ZC3H12B: variants seen among roughly 807,000 people sequenced by gnomAD.
ZC3H12B encodes zinc finger CCCH-type containing 12B.
ZC3H12B carries 7 observed loss-of-function variants against 43.9 expected under a neutral mutation model. That is an observed-to-expected ratio of 0.16 (90% confidence interval 0.09 to 0.30). The LOEUF (loss-of-function observed/expected upper bound fraction) is 0.30. ZC3H12B is among the 10% of genes least tolerant of loss of function. The probability of loss-of-function intolerance (pLI) is 1.00; values close to 1 mark genes in which losing one functional copy is unlikely to be tolerated. For synonymous variants in ZC3H12B, 222 were observed against 241.7 expected, an observed-to-expected ratio of 0.92 and a Z score of 0.76; for missense variants, 475 against 670.2, an observed-to-expected ratio of 0.71 and a Z score of 3.22.
the ZC3H12B span, among the ~76,000 whole-genome samples, chrX:65,260,992 G>A: frequency 8.9e-6 from 1 of 111,814 alleles, no homozygotes; most frequent in Non-Finnish European, 1.9e-5. Context: ...TATATTATAA[G>A]CATTCAGTAA....
the ZC3H12B span, among the ~76,000 whole-genome samples, chrX:65,312,729 G>A: frequency 1.8e-5 from 2 of 111,685 alleles, no homozygotes; most frequent in Non-Finnish European, 3.8e-5. Context: ...TTAAAATGAT[G>A]TCTTCATTCT....
chrX:65,187,930 A>G, the ZC3H12B span, among the ~76,000 whole-genome samples: 2 of 110,996 alleles, frequency 1.8e-5, no homozygotes, highest in Non-Finnish European at 3.8e-5. Flanking sequence ...TGCATGCATT[A>G]ATCATCCCTA....
At chrX:65,270,540 C>G in the ZC3H12B span, among the ~76,000 whole-genome samples, 1 of 110,682 alleles carries the variant, frequency 9.0e-6, no homozygotes. Context: ...ATGGGACTAC[C>G]TCAAACTAAA....
At chrX:65,152,077 T>C in the ZC3H12B span, among the ~76,000 whole-genome samples, 1 of 111,789 alleles carries the variant, frequency 8.9e-6, no homozygotes, top group African/African-American at 3.3e-5. Flanking sequence ...TGATGGGATG[T>C]ATCTGCAAAT....
chrX:65,218,432 G>A, the ZC3H12B span, among the ~76,000 whole-genome samples: 1 of 111,988 alleles, frequency 8.9e-6, no homozygotes, highest in African/African-American at 3.2e-5. Context: ...TCTCAGCCCT[G>A]CTCACTGGCT....
intron 3 of ZC3H12B, among the ~76,000 whole-genome samples, chrX:65,420,201 C>T (rs2067002919): frequency 8.9e-6 from 1 of 112,203 alleles, no homozygotes; most frequent in African/African-American, 3.2e-5. Context: ...CAAAGCCTGC[C>T]CTGGCACCAC....
the ZC3H12B span, among the ~76,000 whole-genome samples, chrX:65,289,624 T>C: frequency 9.1e-6 from 1 of 109,776 alleles, no homozygotes; most frequent in African/African-American, 3.3e-5. Flanking sequence ...CAAAACAGCA[T>C]GGTATTGGTA....
the ZC3H12B span, among the ~76,000 whole-genome samples, chrX:65,235,683 G>A: frequency 3.6e-5 from 4 of 111,449 alleles, no homozygotes; most frequent in Non-Finnish European, 5.6e-5. Flanking sequence ...CTATATCAGG[G>A]AAACATGGTG....
At chrX:65,397,862 C>A (rs1415374532) in intron 2 of ZC3H12B, among the ~76,000 whole-genome samples, 1 of 111,649 alleles carries the variant, frequency 9.0e-6, no homozygotes, top group Non-Finnish European at 1.9e-5. Flanking sequence ...CAGATGATAT[C>A]ATTTTATACT....
At chrX:65,161,833 C>T in the ZC3H12B span, among the ~76,000 whole-genome samples, 3 of 111,684 alleles carry the variant, frequency 2.7e-5, no homozygotes, top group Non-Finnish European at 5.6e-5. Flanking sequence ...TTATTTTGCT[C>T]ACTAGTTGAT....
intron 3 of ZC3H12B, among the ~76,000 whole-genome samples, chrX:65,451,657 T>C (rs761235854): frequency 8.9e-5 from 10 of 111,967 alleles, no homozygotes; most frequent in Non-Finnish European, 1.9e-4. Flanking sequence ...GTCATTGTTA[T>C]ATATGAAAAA....
At chrX:65,273,111 T>C in the ZC3H12B span, 1 of 112,401 alleles carries the variant, frequency 8.9e-6, no homozygotes, top group South Asian at 3.6e-4. Flanking sequence ...TTATCCTTGA[T>C]TTTTGGAATG....
intron 3 of ZC3H12B, among the ~76,000 whole-genome samples, chrX:65,432,330 A>T (rs985551023): frequency 2.7e-5 from 3 of 111,679 alleles, no homozygotes; most frequent in Non-Finnish European, 5.6e-5. Context: ...TAGCAGGCCA[A>T]GAGTGATCTC....
At chrX:65,481,327 G>C (rs2068061404) in intron 3 of ZC3H12B, among the ~76,000 whole-genome samples, 1 of 111,624 alleles carries the variant, frequency 9.0e-6, no homozygotes, top group Non-Finnish European at 1.9e-5. Context: ...GTGATTATTT[G>C]TTTACATGTT....
the ZC3H12B span, among the ~76,000 whole-genome samples, chrX:65,060,073 G>T: frequency 1.1e-5 from 1 of 92,999 alleles, no homozygotes; most frequent in Non-Finnish European, 1.9e-5. Flanking sequence ...TTTGTATCCT[G>T]CAACTTTGCT....
the ZC3H12B span, among the ~76,000 whole-genome samples, chrX:65,218,890 A>C: frequency 8.9e-6 from 1 of 112,173 alleles, no homozygotes; most frequent in Non-Finnish European, 1.9e-5. Context: ...TTAACAAAAA[A>C]TGAAACCAAG....
chrX:65,300,602 T>C, the ZC3H12B span, among the ~76,000 whole-genome samples: 1 of 110,933 alleles, frequency 9.0e-6, no homozygotes, highest in Non-Finnish European at 1.9e-5. Context: ...ATAAATGACA[T>C]AATCTCTTGG....
the ZC3H12B span, among the ~76,000 whole-genome samples, chrX:65,212,610 A>G: frequency 2.4e-5 from 2 of 83,051 alleles, no homozygotes; most frequent in African/African-American, 9.1e-5. Context: ...ATAATTACAT[A>G]TATGATATAT....
chrX:65,197,026 GA>G, the ZC3H12B span, among the ~76,000 whole-genome samples: 1 of 112,014 alleles, frequency 8.9e-6, no homozygotes, highest in African/African-American at 3.2e-5. Flanking sequence ...AAGTAAAAAA[GA>G]AAGGCTTGGC....
Sources: gnomAD v4.1 joint callset for allele counts (sites outside exome capture counted in the v4.1 genomes callset) on GRCh38, gnomAD v4.1.1 for gene constraint, MANE v1.5 for transcripts, NCBI Gene and HGNC (gene_info 2026-07-23, HGNC 2026-07-21) for gene names.